Variants in GRID1 observed in about 807,000 individuals in gnomAD.
GRID1 encodes glutamate ionotropic receptor delta type subunit 1, also known as glutamate receptor ionotropic, delta-1.
Under a neutral mutation model 98.0 loss-of-function variants are expected in GRID1, and 28 were observed. The observed-to-expected ratio is 0.29, with a 90% CI of 0.21 to 0.39. The LOEUF (loss-of-function observed/expected upper bound fraction) is 0.39, where lower values mean the gene tolerates loss of function less well. Among genes scored for constraint, GRID1 ranks in the 10% least tolerant of loss-of-function variants. The pLI, the probability that GRID1 is intolerant of heterozygous loss-of-function variation, is 1.00. For missense variants in GRID1, 1,111 were observed against 1,340.5 expected (o/e 0.83, Z 2.67); for synonymous variants, 553 against 538.5 (o/e 1.03, Z -0.37).
intron 8 of GRID1, among the ~76,000 whole-genome samples, chr10:85,742,517 G>T (rs564998974): frequency 6.6e-6 from 1 of 152,172 alleles, no homozygotes; most frequent in East Asian, 1.9e-4. Flanking sequence ...AGGTTCAATT[G>T]TCACTTTAAA....
chr10:85,948,355 G>A (rs866589157), intron 4 of GRID1, among the ~76,000 whole-genome samples: 1 of 152,234 alleles, frequency 6.6e-6, no homozygotes, highest in Non-Finnish European at 1.5e-5. Context: ...GGATGAAGTG[G>A]TTGAGGATGG....
At chr10:86,219,222 C>A (rs1392911942) in intron 2 of GRID1, among the ~76,000 whole-genome samples, 1 of 152,208 alleles carries the variant, frequency 6.6e-6, no homozygotes, top group Non-Finnish European at 1.5e-5. Context: ...CTAGCCCATT[C>A]CCTCAAGGGG....
chr10:85,996,889 T>C (rs1466589105), intron 4 of GRID1, among the ~76,000 whole-genome samples: 1 of 149,842 alleles, frequency 6.7e-6, no homozygotes, highest in East Asian at 2.0e-4. Flanking sequence ...AAATAATGGC[T>C]TAAAACTTAT....
intron 12 of GRID1, among the ~76,000 whole-genome samples, chr10:85,720,218 A>G (rs1841684704): frequency 6.6e-6 from 1 of 152,186 alleles, no homozygotes; most frequent in African/African-American, 2.4e-5. Context: ...AAATGGGAAA[A>G]TTTTAATTAA....
chr10:86,139,112 C>G lies in GRID1; in HGVS notation c.521-88G>C. 2 of 861,038 alleles carry G rather than the reference C, an allele frequency of 2.3e-6. 1 individual carries two copies. Among genetic ancestry groups the G allele is most frequent in the Non-Finnish European group, 3.8e-6 (2 of 524,910 alleles). 53.3% of individuals were successfully genotyped at this position (861,038 alleles called of 1,614,324 possible). On this transcript the variant is annotated intron_variant, in intron 3 of 15. Coordinates refer to ENST00000327946, the MANE Select transcript of GRID1 (RefSeq NM_017551.3). ...GGTGTCTAACTGCAACACGTTCCAC[C>G]CATGCAGGCCACCACGAAAAATGAG...
chr10:85,737,645 G>GATATATATATATATATATAT lies in GRID1; in HGVS notation c.1234-8051_1234-8032dup, dbSNP rs66947723. Among the ~76,000 whole-genome samples the GATATATATATATATATATAT allele has an allele frequency of 2.1e-3, 198 of 95,602 alleles. 2 individuals carry two copies. The highest frequency in any genetic ancestry group is 3.4e-3 in the Non-Finnish European group (162 of 46,964). The allele number at this position is 95,602 out of a possible 152,430, so 62.7% of individuals were successfully genotyped here. On this transcript the variant is annotated intron_variant, in intron 8 of 15. Coordinates refer to ENST00000327946, the MANE Select transcript of GRID1 (RefSeq NM_017551.3). The stretch of plus-strand genomic sequence containing the variant: ...TTGAACAACAACAACAGTAAAGCCA[G>GATATATATATATATATATAT]ATATATATATATATATATATATATA...
intron 4 of GRID1, among the ~76,000 whole-genome samples, chr10:86,054,751 G>A (rs770089153): frequency 6.6e-6 from 1 of 152,206 alleles, no homozygotes; most frequent in Non-Finnish European, 1.5e-5. Context: ...ATATGAGGTG[G>A]TGTAGAAGAT....
rs531993084 is a variant in GRID1 at position 86,011,513 on chromosome 10, C to T, written c.727-95274G>A. The stretch of plus-strand genomic sequence containing the variant: ...ATGACAATGGCATGGATTAGGATGG[C>T]AGCTTTTAAGTGCTCTGTATAAATG... On this transcript the variant is annotated intron_variant, in intron 4 of 15. Coordinates refer to ENST00000327946, the MANE Select transcript of GRID1 (RefSeq NM_017551.3). 6.0e-4 allele frequency among the ~76,000 whole-genome samples: 91 copies of T among 152,160 alleles called. No individual in the cohort carries two copies. In the South Asian group the frequency reaches 8.3e-3, roughly 14 times the overall value.
chr10:86,293,530 GT>G (rs1847545944), intron 2 of GRID1, among the ~76,000 whole-genome samples: 1 of 152,040 alleles, frequency 6.6e-6, no homozygotes, highest in African/African-American at 2.4e-5. Flanking sequence ...GACTTTTTTT[GT>G]TATTATTCTG....
intron 4 of GRID1, among the ~76,000 whole-genome samples, chr10:86,017,336 C>A (rs189596851): frequency 2.8e-4 from 42 of 152,318 alleles, no homozygotes; most frequent in African/African-American, 8.4e-4. Context: ...TGACCAGGCA[C>A]ACAGCAAGTG....
chr10:85,774,824 C>T (rs1465958907), intron 8 of GRID1, among the ~76,000 whole-genome samples: 1 of 150,516 alleles, frequency 6.6e-6, no homozygotes, highest in Non-Finnish European at 1.5e-5. Context: ...AGTCAGGAAA[C>T]AACAGGTGCT....
At chr10:85,955,866 C>T (rs1311880213) in intron 4 of GRID1, among the ~76,000 whole-genome samples, 2 of 152,178 alleles carry the variant, frequency 1.3e-5, no homozygotes, top group Non-Finnish European at 2.9e-5. Context: ...CCTGAGGCTT[C>T]TCCAGCTCAG....
intron 2 of GRID1, among the ~76,000 whole-genome samples, chr10:86,331,956 C>T (rs775760531): frequency 3.3e-5 from 5 of 152,106 alleles, no homozygotes; most frequent in Non-Finnish European, 7.4e-5. Flanking sequence ...ACTGGCCATC[C>T]TGTTGGACAG....
intron 5 of GRID1, among the ~76,000 whole-genome samples, chr10:85,906,221 T>C (rs6585987): frequency 0.16 from 24,025 of 152,082 alleles, 2,522 homozygotes; most frequent in African/African-American, 0.3. Flanking sequence ...CCTAAGCATT[T>C]ATGCCCCTTG....
chr10:86,288,692 C>T (rs1199325593), intron 2 of GRID1, among the ~76,000 whole-genome samples: 1 of 152,210 alleles, frequency 6.6e-6, no homozygotes, highest in East Asian at 1.9e-4. Flanking sequence ...ATTATCACCC[C>T]AAACCTCAAA....
At chr10:86,317,465 A>G (rs534911125) in intron 2 of GRID1, among the ~76,000 whole-genome samples, 27 of 152,334 alleles carry the variant, frequency 1.8e-4, no homozygotes, top group African/African-American at 6.0e-4. Flanking sequence ...GTGTTTTTCA[A>G]TTACCCACAA....
intron 15 of GRID1, among the ~76,000 whole-genome samples, chr10:85,610,624 C>A (rs1204930920): frequency 6.6e-6 from 1 of 152,222 alleles, no homozygotes; most frequent in East Asian, 1.9e-4. Flanking sequence ...GTCCTCGGTG[C>A]TTTTGTGATA....
At chr10:85,986,335 G>A (rs528550729) in intron 4 of GRID1, among the ~76,000 whole-genome samples, 1 of 152,232 alleles carries the variant, frequency 6.6e-6, no homozygotes, top group Non-Finnish European at 1.5e-5. Context: ...CAAATGAGAT[G>A]CCCTGGGAGA....
At chr10:85,819,600 C>A (rs962745720) in intron 8 of GRID1, among the ~76,000 whole-genome samples, 1 of 152,062 alleles carries the variant, frequency 6.6e-6, no homozygotes, top group Non-Finnish European at 1.5e-5. Context: ...AAATTCATAA[C>A]CTCCGTCTAA....
Sources: allele counts gnomAD v4.1 joint callset (sites outside exome capture counted in the v4.1 genomes callset), GRCh38; gene constraint gnomAD v4.1.1; transcripts MANE v1.5; gene names NCBI Gene and HGNC (gene_info 2026-07-23, HGNC 2026-07-21).